Variants in RAB3GAP1 observed in about 807,000 individuals in gnomAD.
RAB3GAP1 encodes the protein RAB3 GTPase activating protein catalytic subunit 1, also known as rab3 GTPase-activating protein catalytic subunit.
RAB3GAP1 carries 86 observed loss-of-function variants against 130.7 expected under a neutral mutation model. The observed-to-expected ratio is 0.66, with a 90% confidence interval of 0.55 to 0.79. The LOEUF is 0.79. Among genes scored for constraint, RAB3GAP1 ranks in the 30% least tolerant of loss-of-function variants. The probability of loss-of-function intolerance (pLI) is 0.00; values close to 1 mark genes in which losing one functional copy is unlikely to be tolerated. For missense variants in RAB3GAP1, 1,029 were observed against 1,169.4 expected (o/e 0.88, Z 1.75); for synonymous variants, 367 against 401.7 (o/e 0.91, Z 1.03).
chr2:135,096,082 C>T (rs1324514338), intron 5 of RAB3GAP1, among the ~76,000 whole-genome samples: 1 of 152,166 alleles, frequency 6.6e-6, no homozygotes, highest in Non-Finnish European at 1.5e-5. Context: ...CTATTTACAT[C>T]ACATTTAAAA....
At chr2:135,165,495 G>A (rs186855118) in intron 23 of RAB3GAP1, among the ~76,000 whole-genome samples, 4 of 150,806 alleles carry the variant, frequency 2.7e-5, no homozygotes, top group Non-Finnish European at 5.9e-5. Flanking sequence ...GTGTCTACAC[G>A]TGGAATAACA....
At chr2:135,083,257 C>T (rs56186212) in intron 3 of RAB3GAP1, among the ~76,000 whole-genome samples, 6,875 of 151,970 alleles carry the variant, frequency 0.045, 532 homozygotes, top group African/African-American at 0.16. Flanking sequence ...TTGGTTACTG[C>T]GAGTAATGCT....
intron 3 of RAB3GAP1, among the ~76,000 whole-genome samples, chr2:135,074,813 C>T (rs1402077807): frequency 2.0e-5 from 3 of 152,126 alleles, no homozygotes; most frequent in Non-Finnish European, 1.5e-5. Flanking sequence ...CACGAAGATA[C>T]GATACTGGCA....
intron 5 of RAB3GAP1, among the ~76,000 whole-genome samples, chr2:135,106,288 T>C (rs1277560333): frequency 6.6e-6 from 1 of 152,214 alleles, no homozygotes; most frequent in East Asian, 1.9e-4. Context: ...CGGGCCATGA[T>C]GACAATGGCG....
At chr2:135,117,606 GCTTCTT>G (rs1380774068) in intron 7 of RAB3GAP1, among the ~76,000 whole-genome samples, 2 of 17,838 alleles carry the variant, frequency 1.1e-4, no homozygotes, top group South Asian at 1.9e-3. Flanking sequence ...TGCTTCTTCT[GCTTCTT>G]CTGCTTCTGC....
intron 7 of RAB3GAP1, among the ~76,000 whole-genome samples, chr2:135,117,465 T>C (rs892916004): frequency 7.7e-6 from 1 of 129,890 alleles, no homozygotes; most frequent in African/African-American, 2.9e-5. Context: ...TGCTTCTGCT[T>C]CTGCTTCTGC....
At chr2:135,166,020 A>C (rs1692637537) in intron 23 of RAB3GAP1, among the ~76,000 whole-genome samples, 1 of 152,098 alleles carries the variant, frequency 6.6e-6, no homozygotes, top group Non-Finnish European at 1.5e-5. Flanking sequence ...AAAAATACAA[A>C]AATTAGCTGG....
rs998211340 is a variant in RAB3GAP1 at position 135,120,927 on chromosome 2, A to G, written c.748+9A>G. The stretch of plus-strand genomic sequence containing the variant: ...GCCTCAGCAACCTCCAGGTGAGATC[A>G]TTTAGAACTATATTTAACTTACTGA... On this transcript the variant is annotated intron_variant, in intron 8 of 23. Coordinates refer to ENST00000264158, the MANE Select transcript of RAB3GAP1 (RefSeq NM_012233.3). The G allele has an allele frequency of 3.3e-6, 5 of 1,521,184 alleles. No individual in the cohort carries two copies. The African/African-American group carries it at 5.5e-5, about 17-fold the overall frequency. 94.2% of individuals were successfully genotyped at this position (1,521,184 alleles called of 1,614,324 possible). A position where few individuals can be genotyped will look rare whatever the true frequency, so the allele number is the denominator to read the frequency against.
At chr2:135,140,454 A>G (rs1218057748) in intron 17 of RAB3GAP1, among the ~76,000 whole-genome samples, 3 of 152,212 alleles carry the variant, frequency 2.0e-5, no homozygotes, top group Middle Eastern at 3.2e-3. Flanking sequence ...AGGAAGACTC[A>G]TAAGACTTAG....
At chr2:135,083,767 GTTT>G (rs34087354) in intron 3 of RAB3GAP1, among the ~76,000 whole-genome samples, 70 of 98,252 alleles carry the variant, frequency 7.1e-4, no homozygotes, top group African/African-American at 2.4e-3. Flanking sequence ...ACCCAACACG[GTTT>G]TTTTTTTTTT....
rs377254626 is a variant in RAB3GAP1, at chr2:135,112,815, GTCTCTCTC to G, written c.363-323_363-316del. ...GGAAAAAGTATTTACAACTGTCAAA[GTCTCTCTC>G]TCTCTCTCTCTCACACACACACACA... is the stretch of plus-strand genomic sequence containing the variant. On this transcript the variant is annotated intron_variant, in intron 5 of 23. Coordinates refer to ENST00000264158, the MANE Select transcript of RAB3GAP1 (RefSeq NM_012233.3). Among the ~76,000 whole-genome samples the G allele has an allele frequency of 0.014, 2,102 of 146,984 alleles. 49 individuals are homozygous for G. The highest frequency in any genetic ancestry group is 0.05 in the African/African-American group (2,010 of 39,896).
chr2:135,144,484 T>A (rs1331149875), intron 17 of RAB3GAP1, among the ~76,000 whole-genome samples: 1 of 151,968 alleles, frequency 6.6e-6, no homozygotes, highest in African/African-American at 2.4e-5. Flanking sequence ...GAAGGATAGG[T>A]GTATGTAAAT....
intron 19 of RAB3GAP1, among the ~76,000 whole-genome samples, chr2:135,158,531 G>A (rs1355041262): frequency 6.6e-6 from 1 of 152,138 alleles, no homozygotes; most frequent in African/African-American, 2.4e-5. Flanking sequence ...ATAATTAATG[G>A]ATAAACAACT....
intron 5 of RAB3GAP1, among the ~76,000 whole-genome samples, chr2:135,112,303 T>G (rs1219798310): frequency 1.3e-5 from 2 of 152,198 alleles, no homozygotes; most frequent in Non-Finnish European, 2.9e-5. Flanking sequence ...TCACCCCAGC[T>G]AAAGACATTC....
intron 18 of RAB3GAP1, 92 bp from the exon 19 acceptor site, chr2:135,153,557 A>T: frequency 8.6e-7 from 1 of 1,168,046 alleles, no homozygotes; most frequent in Non-Finnish European, 1.3e-6. Flanking sequence ...AAGATTAGAT[A>T]GGCTTTTTTT....
chr2:135,069,096 A>G (rs1289955071), intron 3 of RAB3GAP1, among the ~76,000 whole-genome samples: 1 of 152,218 alleles, frequency 6.6e-6, no homozygotes, highest in Non-Finnish European at 1.5e-5. Context: ...TATCATTAGT[A>G]ATAACAGTTA....
At chr2:135,132,862 T>C in intron 13 of RAB3GAP1, 33 bp from the exon 14 acceptor site, 1 of 1,266,788 alleles carries the variant, frequency 7.9e-7, no homozygotes, top group Middle Eastern at 1.9e-4. Context: ...AAATGTGGTC[T>C]AAAATGTGAT....
chr2:135,080,156 C>T (rs1478219777), intron 3 of RAB3GAP1, among the ~76,000 whole-genome samples: 2 of 151,602 alleles, frequency 1.3e-5, no homozygotes, highest in Admixed American at 6.6e-5. Flanking sequence ...AATACTTAAC[C>T]TCATGTAAGT....
At chr2:135,113,079 T>A (rs1690861862) in intron 5 of RAB3GAP1, 72 bp from the exon 6 acceptor site, 1 of 1,603,810 alleles carries the variant, frequency 6.2e-7, no homozygotes. Context: ...GAAATTTTTT[T>A]GTGCTTTTCA....
Sources: allele counts gnomAD v4.1 joint callset (sites outside exome capture counted in the v4.1 genomes callset), GRCh38; gene constraint gnomAD v4.1.1; transcripts MANE v1.5; gene names NCBI Gene and HGNC (gene_info 2026-07-23, HGNC 2026-07-21).